The following GLIPR1 variants were observed in gnomAD, a reference collection of about 807,000 sequenced individuals.
GLIPR1 encodes GLI pathogenesis related 1, also known as glioma pathogenesis-related protein 1.
A neutral mutation model predicts 30.3 loss-of-function variants in GLIPR1; 38 were observed. That is an observed-to-expected ratio of 1.26 (90% CI 0.97 to 1.65). The LOEUF (loss-of-function observed/expected upper bound fraction) is 1.65. Ranked by LOEUF, GLIPR1 falls within the 40% of genes most tolerant of loss-of-function variation. The probability of loss-of-function intolerance (pLI) is 0.00; values close to 1 mark genes in which losing one functional copy is unlikely to be tolerated. For missense variants in GLIPR1, 285 were observed against 326.5 expected, an observed-to-expected ratio of 0.87 and a Z score of 0.98; for synonymous variants, 122 against 110.6, an observed-to-expected ratio of 1.10 and a Z score of -0.65.
In GLIPR1 at chr12:75,499,827, T is replaced by C. The variant is rs2046379042; in HGVS notation, c.*849T>C. 4 of 1,600,052 alleles carry C rather than the reference T, an allele frequency of 2.5e-6. No homozygotes were observed. Among genetic ancestry groups the C allele is most frequent in the Non-Finnish European group, 2.6e-6 (3 of 1,175,016 alleles). On this transcript the variant is annotated 3_prime_UTR_variant, in exon 6 of 6. Transcript: ENST00000266659. ...GGGTATGTTACTTTTTTTTCTTCTT[T>C]TTCTTTTCATCTGCCTCCATCTTAA...
At chr12:75,482,414 A>G (rs1192102695) in intron 2 of GLIPR1, among the ~76,000 whole-genome samples, 1 of 152,164 alleles carries the variant, frequency 6.6e-6, no homozygotes, top group Non-Finnish European at 1.5e-5. Context: ...ATGAGTTTTA[A>G]ATGAAATTTG....
At chr12:75,485,733 G>A (rs2046291344) in intron 2 of GLIPR1, among the ~76,000 whole-genome samples, 1 of 151,666 alleles carries the variant, frequency 6.6e-6, no homozygotes, top group Non-Finnish European at 1.5e-5. Flanking sequence ...TGTATTTTTA[G>A]TAGAGATGGG....
chr12:75,486,809 G>A (rs1386049733), intron 2 of GLIPR1, among the ~76,000 whole-genome samples: 3 of 151,978 alleles, frequency 2.0e-5, no homozygotes, highest in Non-Finnish European at 1.5e-5. Flanking sequence ...CTGGGGTCTG[G>A]TGGGGGTTGA....
chr12:75,484,366 G>A (rs2046284272), intron 2 of GLIPR1: 1 of 152,148 alleles, frequency 6.6e-6, no homozygotes, highest in Admixed American at 6.5e-5. Context: ...ATCTATTAAG[G>A]AGATGTTAAT....
intron 1 of GLIPR1, 26 bp downstream of exon 1, chr12:75,481,080 C>G (rs897540094): frequency 1.3e-6 from 2 of 1,567,140 alleles, no homozygotes; most frequent in Non-Finnish European, 1.7e-6. Flanking sequence ...TTAATTGTGG[C>G]GTCAGTCAGT....
At chr12:75,490,195 T>TCACACACACACACACACACA (rs71829276) in intron 2 of GLIPR1, among the ~76,000 whole-genome samples, 2 of 141,710 alleles carry the variant, frequency 1.4e-5, no homozygotes, top group South Asian at 2.3e-4. Flanking sequence ...TTATCTTATT[T>TCACACACACACACACACACA]CACACACACA....
chr12:75,501,752 T>G lies in GLIPR1; in HGVS notation c.*2774T>G. The G allele has an allele frequency of 6.2e-7, 1 of 1,610,756 alleles. No individual in the cohort carries two copies. Among genetic ancestry groups the G allele is most frequent in the Non-Finnish European group, 8.5e-7 (1 of 1,178,008 alleles). On this transcript the variant is annotated 3_prime_UTR_variant, in exon 6 of 6. Transcript: ENST00000266659. ...CTTAGGTTTCACAATTGGTTTTTCC[T>G]TAGGTGGAATAAATGCTTTGTTTCT...
rs778927301 is a variant in GLIPR1 at position 75,495,679 on chromosome 12, A to G, written c.619+17A>G. On this transcript the variant is annotated intron_variant, in intron 4 of 5. Transcript: ENST00000266659. ...ATCTCTGTGGTGAGTAAAAGGAACA[A>G]TACACCAATAGAATAACATAATAGT... The G allele has an allele frequency of 1.7e-5, 23 of 1,358,842 alleles. 1 individual carries two copies. The South Asian group carries it at 2.4e-4, about 14-fold the overall frequency. 84.2% of individuals were successfully genotyped at this position (1,358,842 alleles called of 1,614,324 possible).
Position 75,503,604 on chromosome 12 carries a change from C to A in GLIPR1, c.*4626C>A. On this transcript the variant is annotated 3_prime_UTR_variant, in exon 6 of 6. Transcript: ENST00000266659. ...CACAGTCACAATAATGTTGCCAAATCAGAGAAAAGAGTATTGCAGACTAAA... is the reference window on the plus strand; with the variant it reads ...CACAGTCACAATAATGTTGCCAAATAAGAGAAAAGAGTATTGCAGACTAAA... 4.9e-6 allele frequency: 1 copy of A among 205,052 alleles called. No individual in the cohort carries two copies. The highest frequency in any genetic ancestry group is 9.8e-6 in the Non-Finnish European group (1 of 102,540). The allele number at this position is 205,052 out of a possible 1,614,324, so 12.7% of individuals were successfully genotyped here. A position where few individuals can be genotyped will look rare whatever the true frequency, so the allele number is the denominator to read the frequency against.
At chr12:75,481,749 C>T in intron 1 of GLIPR1, 85 bp from the exon 2 acceptor site, 1 of 1,265,262 alleles carries the variant, frequency 7.9e-7, no homozygotes, top group African/African-American at 1.5e-5. Flanking sequence ...CCTTATCTCA[C>T]CTCGTTTTCC....
chr12:75,490,621 G>T (rs1433795246), intron 3 of GLIPR1, 103 bp downstream of exon 3: 3 of 557,222 alleles, frequency 5.4e-6, no homozygotes, highest in African/African-American at 2.2e-5. Context: ...CTTCATTATA[G>T]AAAATCTGGA....
Position 75,499,277 on chromosome 12 carries a change from CTTAGTAACTCCAGTAGCCTTCATTA to C in GLIPR1, c.*300_*324del, listed in dbSNP as rs1203650320. 1 of 215,566 alleles carries C rather than the reference CTTAGTAACTCCAGTAGCCTTCATTA, an allele frequency of 4.6e-6. No individual in the cohort carries two copies. Among genetic ancestry groups the C allele is most frequent in the Non-Finnish European group, 9.0e-6 (1 of 110,498 alleles). The allele number at this position is 215,566 out of a possible 1,614,324, so 13.4% of individuals were successfully genotyped here. A position where few individuals can be genotyped will look rare whatever the true frequency, so the allele number is the denominator to read the frequency against. ...TACAGTAGCACATTTTTAGGTGATT[CTTAGTAACTCCAGTAGCCTTCATTA>C]GTTAAAAACATTATTATTTTTTGCA... On this transcript the variant is annotated 3_prime_UTR_variant, in exon 6 of 6. Coordinates refer to ENST00000266659, the MANE Select transcript of GLIPR1 (RefSeq NM_006851.3).
In GLIPR1 at chr12:75,499,274, ATTCTTAGTAACTCCAGTAGCC is replaced by A. The variant is rs2046373400; in HGVS notation, c.*300_*320del. On this transcript the variant is annotated 3_prime_UTR_variant, in exon 6 of 6. Coordinates refer to ENST00000266659, the MANE Select transcript of GLIPR1 (RefSeq NM_006851.3). ...AGGTACAGTAGCACATTTTTAGGTG[ATTCTTAGTAACTCCAGTAGCC>A]TTCATTAGTTAAAAACATTATTATT... 1 of 217,832 alleles carries A rather than the reference ATTCTTAGTAACTCCAGTAGCC, an allele frequency of 4.6e-6. No individual in the cohort carries two copies. Among genetic ancestry groups the A allele is most frequent in the East Asian group, 1.0e-4 (1 of 9,944 alleles). 13.5% of individuals were successfully genotyped at this position (217,832 alleles called of 1,614,324 possible).
In GLIPR1 at chr12:75,500,952, T is replaced by C. The variant is rs998544540; in HGVS notation, c.*1974T>C. 2.0e-5 allele frequency: 3 copies of C among 152,032 alleles called. No homozygotes were observed. The highest frequency in any genetic ancestry group is 4.4e-5 in the Non-Finnish European group (3 of 67,964). 9.4% of individuals were successfully genotyped at this position (152,032 alleles called of 1,614,324 possible). A position where few individuals can be genotyped will look rare whatever the true frequency, so the allele number is the denominator to read the frequency against. On this transcript the variant is annotated 3_prime_UTR_variant, in exon 6 of 6. Transcript: ENST00000266659. Reference sequence around the variant, plus strand: ...CTTTTATATAACCAATAATCTACCATAGAATGTAGTATTTTTAAAGCTATT... The same window carrying C: ...CTTTTATATAACCAATAATCTACCACAGAATGTAGTATTTTTAAAGCTATT...
chr12:75,481,029 C>G lies in GLIPR1; in HGVS notation c.149C>G (p.Pro50Arg), dbSNP rs2046267746. ...AACAAGTTCCGATCAGAGGTGAAACCAACAGCCAGTGATATGCTATACATG... is the reference window on the plus strand; with the variant it reads ...AACAAGTTCCGATCAGAGGTGAAACGAACAGCCAGTGATATGCTATACATG... ...IHNKFRSEVKPTASDMLYMTW... is the reference protein window; with the variant it reads ...IHNKFRSEVKRTASDMLYMTW... Residue 50 changes from proline to arginine, a missense_variant, in exon 1 of 6, where the codon CCA becomes CGA. Transcript: ENST00000266659. 1.2e-5 allele frequency: 20 copies of G among 1,613,188 alleles called. No homozygotes were observed. The highest frequency in any genetic ancestry group is 1.6e-5 in the Non-Finnish European group (19 of 1,179,444).
In GLIPR1 at chr12:75,495,562, T is replaced by C. The variant is rs7137996; in HGVS notation, c.534-15T>C. 4,880 of 1,490,922 alleles carry C rather than the reference T, an allele frequency of 3.3e-3. 132 individuals are homozygous for C. In the African/African-American group the frequency reaches 0.058, roughly 18 times the overall value. The allele number at this position is 1,490,922 out of a possible 1,614,324, so 92.4% of individuals were successfully genotyped here. On this transcript the variant is annotated splice_polypyrimidine_tract_variant and intron_variant, in intron 3 of 5. Coordinates refer to ENST00000266659, the MANE Select transcript of GLIPR1 (RefSeq NM_006851.3). ...CCGAAAAACTTCTAATGGACATCCT[T>C]CTTCTGCTTTACAGAGGGAATTACC...
intron 4 of GLIPR1, chr12:75,497,966 T>C (rs1392304170): frequency 2.0e-5 from 3 of 152,120 alleles, no homozygotes; most frequent in Admixed American, 2.0e-4. Context: ...GAGGGTAGCA[T>C]ATTTACAGTA....
At chr12:75,485,395 T>C (rs758836663) in intron 2 of GLIPR1, among the ~76,000 whole-genome samples, 24 of 152,148 alleles carry the variant, frequency 1.6e-4, no homozygotes, top group Non-Finnish European at 1.3e-4. Context: ...AGTTTAGAAA[T>C]AGTTTAATTA....
chr12:75,481,044 T>A lies in GLIPR1; in HGVS notation c.164T>A (p.Met55Lys), dbSNP rs771595113. The A allele has an allele frequency of 6.2e-7, 1 of 1,610,172 alleles. No homozygotes were observed. Among genetic ancestry groups the A allele is most frequent in the Non-Finnish European group, 8.5e-7 (1 of 1,177,144 alleles). ...RSEVKPTASDMLYMTWDPALA... is the reference protein window; with the variant it reads ...RSEVKPTASDKLYMTWDPALA... ...GAGGTGAAACCAACAGCCAGTGATA[T>A]GCTATACATGGTAAGGAAAATATCA... The change falls in exon 1 of 6, where the codon ATG becomes AAG. Residue 55 changes from methionine (M) to lysine (K), a missense_variant. Met to Lys is a moderately conservative substitution (Grantham distance 95). Coordinates refer to ENST00000266659, the MANE Select transcript of GLIPR1 (RefSeq NM_006851.3).
Sources: gnomAD v4.1 joint callset for allele counts (sites outside exome capture counted in the v4.1 genomes callset) on GRCh38, gnomAD v4.1.1 for gene constraint, MANE v1.5 for transcripts, NCBI Gene and HGNC (gene_info 2026-07-23, HGNC 2026-07-21) for gene names.